TENT2: variants seen among roughly 807,000 people sequenced by gnomAD.
The protein encoded by TENT2 is poly(A) RNA polymerase GLD2.
TENT2 carries 44 observed loss-of-function variants against 72.2 expected under a neutral mutation model. The observed-to-expected ratio is 0.61, with a 90% confidence interval of 0.48 to 0.78. TENT2 has a LOEUF of 0.78. TENT2 is among the 30% of genes least tolerant of loss of function. TENT2 has a pLI of 0.00. For synonymous variants in TENT2, 212 were observed against 192.5 expected (o/e 1.10, Z -0.84); for missense variants, 541 against 569.6 (o/e 0.95, Z 0.51).
At chr5:79,614,805 T>C (rs1274266923) in intron 1 of TENT2, among the ~76,000 whole-genome samples, 1 of 152,092 alleles carries the variant, frequency 6.6e-6, no homozygotes, top group Non-Finnish European at 1.5e-5. Flanking sequence ...TTTAAAAAAA[T>C]GATTATGTTG....
At chr5:79,654,123 T>G (rs1796158169) in intron 10 of TENT2, among the ~76,000 whole-genome samples, 1 of 152,062 alleles carries the variant, frequency 6.6e-6, no homozygotes, top group Non-Finnish European at 1.5e-5. Flanking sequence ...GGATTTTAAT[T>G]ATAATTTAAG....
In TENT2 at chr5:79,622,413, A is replaced by G. The variant is rs555430987; in HGVS notation, c.228-839A>G. ...ACAACTTAATATATCAATGAAGTAA[A>G]TGTCTTTTTTCCCAACAAATACTTA... On this transcript the variant is annotated intron_variant, in intron 3 of 14. Transcript: ENST00000453514. Among the ~76,000 whole-genome samples, 167 of 152,324 alleles carry G rather than the reference A, an allele frequency of 1.1e-3. 1 individual carries two copies. Among genetic ancestry groups the G allele is most frequent in the African/African-American group, 3.9e-3 (162 of 41,572 alleles).
Position 79,641,165 on chromosome 5 carries a change from G to T in TENT2, c.641G>T (p.Gly214Val). The change falls in exon 6 of 15, where the codon GGT becomes GTT. Residue 214 changes from glycine to valine, a missense_variant. By Grantham distance (109) the Gly-to-Val change is moderately radical (BLOSUM62 -3). Coordinates refer to ENST00000453514, the MANE Select transcript of TENT2 (RefSeq NM_001114394.3). ...LNGFGTRSSD[G>V]DLCLVVKEEP... ...GGATTTGGTACCCGGAGCAGTGATG[G>T]TGATTTATGCCTAGTTGTTAAGGAA... 6.3e-7 allele frequency: 1 copy of T among 1,578,146 alleles called. No individual in the cohort carries two copies. Among genetic ancestry groups the T allele is most frequent in the Non-Finnish European group, 8.5e-7 (1 of 1,169,668 alleles).
intron 8 of TENT2, among the ~76,000 whole-genome samples, chr5:79,646,142 G>A (rs1034050668): frequency 1.3e-5 from 2 of 151,978 alleles, no homozygotes; most frequent in Admixed American, 6.6e-5. Context: ...TTGCTATTTA[G>A]AATGGCCCCC....
intron 10 of TENT2, among the ~76,000 whole-genome samples, chr5:79,651,008 A>T (rs547782896): frequency 4.1e-4 from 62 of 152,264 alleles, no homozygotes; most frequent in African/African-American, 1.4e-3. Context: ...GTGATATTAA[A>T]AGTTATTTTA....
intron 2 of TENT2, 84 bp from the exon 3 acceptor site, chr5:79,619,908 ATG>A: frequency 6.9e-7 from 1 of 1,450,268 alleles, no homozygotes; most frequent in Non-Finnish European, 9.4e-7. Context: ...TTTGATACGG[ATG>A]TATTTAATTT....
At chr5:79,660,931 T>C (rs1351764230) in intron 11 of TENT2, among the ~76,000 whole-genome samples, 1 of 152,138 alleles carries the variant, frequency 6.6e-6, no homozygotes, top group Admixed American at 6.5e-5. Flanking sequence ...ATGATCCCGA[T>C]ACTGTGTGGG....
At chr5:79,655,986 AT>A (rs1244507792) in intron 10 of TENT2, among the ~76,000 whole-genome samples, 1 of 151,862 alleles carries the variant, frequency 6.6e-6, no homozygotes, top group Non-Finnish European at 1.5e-5. Context: ...TTCAGAAGTC[AT>A]TTTTTAAAGT....
rs1017634010 is a variant in TENT2, at chr5:79,688,151, G to A, written c.*2878G>A. ...AGACATAATGCATGCATACCAGCTC[G>A]TGTAACTGGTGAATAATCCCCAGCT... On this transcript the variant is annotated 3_prime_UTR_variant, in exon 15 of 15. Coordinates refer to ENST00000453514, the MANE Select transcript of TENT2 (RefSeq NM_001114394.3). 1.3e-5 allele frequency among the ~76,000 whole-genome samples: 2 copies of A among 152,260 alleles called. No homozygotes were observed. Among genetic ancestry groups the A allele is most frequent in the Middle Eastern group, 3.4e-3 (1 of 294 alleles).
chr5:79,638,294 C>T (rs940239981), intron 4 of TENT2, among the ~76,000 whole-genome samples: 1 of 151,990 alleles, frequency 6.6e-6, no homozygotes, highest in Admixed American at 6.6e-5. Flanking sequence ...CTACTAGATG[C>T]CAGGGACCTT....
chr5:79,662,409 A>G (rs901603467), intron 11 of TENT2, among the ~76,000 whole-genome samples: 1 of 152,188 alleles, frequency 6.6e-6, no homozygotes, highest in Non-Finnish European at 1.5e-5. Context: ...GAAAGCTTTC[A>G]ATGTACTTTG....
chr5:79,616,442 G>A (rs893813359), intron 1 of TENT2, among the ~76,000 whole-genome samples: 4 of 151,746 alleles, frequency 2.6e-5, no homozygotes, highest in Non-Finnish European at 5.9e-5. Flanking sequence ...TGATCCATCT[G>A]CTTCGGCCTC....
At chr5:79,652,271 T>C (rs1284274574) in intron 10 of TENT2, among the ~76,000 whole-genome samples, 1 of 151,592 alleles carries the variant, frequency 6.6e-6, no homozygotes, top group Non-Finnish European at 1.5e-5. Flanking sequence ...TACCCTAATA[T>C]GAGATCTACA....
chr5:79,654,028 T>A (rs1248607063), intron 10 of TENT2, among the ~76,000 whole-genome samples: 1 of 152,214 alleles, frequency 6.6e-6, no homozygotes, highest in Non-Finnish European at 1.5e-5. Context: ...GATTAACACA[T>A]TTCCTAGAAT....
At chr5:79,652,639 T>C (rs918814918) in intron 10 of TENT2, among the ~76,000 whole-genome samples, 1 of 152,146 alleles carries the variant, frequency 6.6e-6, no homozygotes, top group African/African-American at 2.4e-5. Flanking sequence ...TCTTCTTTAA[T>C]GTTAAAGTAG....
chr5:79,659,147 T>C (rs1193611693), intron 11 of TENT2, among the ~76,000 whole-genome samples: 9 of 152,048 alleles, frequency 5.9e-5, no homozygotes. Flanking sequence ...TCACACAAGA[T>C]TTTTTGTTTT....
intron 10 of TENT2, among the ~76,000 whole-genome samples, chr5:79,653,833 C>CA (rs1224162305): frequency 6.6e-6 from 1 of 152,172 alleles, no homozygotes; most frequent in African/African-American, 2.4e-5. Flanking sequence ...AGCTCTGCCA[C>CA]AAAAAACTAG....
At chr5:79,661,335 T>A (rs1000603547) in intron 11 of TENT2, among the ~76,000 whole-genome samples, 15 of 152,262 alleles carry the variant, frequency 9.9e-5, no homozygotes, top group African/African-American at 3.6e-4. Context: ...GTATACTGTT[T>A]TTTATCTTTT....
chr5:79,633,577 C>T (rs563511987), intron 4 of TENT2, among the ~76,000 whole-genome samples: 18 of 151,154 alleles, frequency 1.2e-4, no homozygotes, highest in Middle Eastern at 3.4e-3. Context: ...CCACCATGCC[C>T]GGCTAATTTT....
Sources: allele counts gnomAD v4.1 joint callset (sites outside exome capture counted in the v4.1 genomes callset), GRCh38; gene constraint gnomAD v4.1.1; transcripts MANE v1.5; gene names NCBI Gene and HGNC (gene_info 2026-07-23, HGNC 2026-07-21).